The following DIAPH3 variants were observed in gnomAD, a reference collection of about 807,000 sequenced individuals.
The protein encoded by DIAPH3 is diaphanous related formin 3.
In DIAPH3, 117 loss-of-function variants were observed where a neutral mutation model predicts 144.3. The ratio of observed to expected loss-of-function variants is 0.81; its 90% CI spans 0.70 to 0.95. The LOEUF is 0.95. DIAPH3 is among the 40% of genes least tolerant of loss of function. The pLI, the probability that DIAPH3 is intolerant of heterozygous loss-of-function variation, is 0.00. For missense variants in DIAPH3, 1,421 were observed against 1,412.7 expected, an observed-to-expected ratio of 1.01 and a Z score of -0.09; for synonymous variants, 519 against 488.9, an observed-to-expected ratio of 1.06 and a Z score of -0.81.
intron 24 of DIAPH3, among the ~76,000 whole-genome samples, chr13:59,820,429 CTAAAT>C (rs1333498031): frequency 6.6e-6 from 1 of 151,840 alleles, no homozygotes; most frequent in Non-Finnish European, 1.5e-5. Context: ...TTTTAATATT[CTAAAT>C]CTAATGTTCA....
chr13:59,873,806 G>C (rs1016496912), intron 21 of DIAPH3, among the ~76,000 whole-genome samples: 3 of 151,608 alleles, frequency 2.0e-5, no homozygotes, highest in Non-Finnish European at 4.4e-5. Flanking sequence ...AGAGTAGCTG[G>C]GATTACAGGC....
At chr13:59,844,105 T>TAAAAA in intron 22 of DIAPH3, among the ~76,000 whole-genome samples, 1 of 144,860 alleles carries the variant, frequency 6.9e-6, no homozygotes. Flanking sequence ...TCCCAGAACT[T>TAAAAA]AAAAAAAAAA....
At position 59,992,115 on chromosome 13, in the gene DIAPH3, A is replaced by G. The variant is rs147456179; in HGVS notation, c.1197T>C (p.Asp399=). 3.4e-4 allele frequency: 543 copies of G among 1,612,038 alleles called. 2 individuals carry two copies. In the African/African-American group the frequency reaches 6.2e-3, roughly 18 times the overall value. Reference sequence around the variant, plus strand: ...CAAGGCGATGGGATAACTCAAACAAATCTTCTTCTTTATGCTCATCAAAGA... The same window carrying G: ...CAAGGCGATGGGATAACTCAAACAAGTCTTCTTCTTTATGCTCATCAAAGA... ...LKVFDEHKEE[D]LFELSHRLED... Residue 399 remains aspartate (D), a synonymous_variant, in exon 11 of 28, where the codon GAT becomes GAC. Coordinates refer to ENST00000400324, the MANE Select transcript of DIAPH3 (RefSeq NM_001042517.2).
intron 12 of DIAPH3, among the ~76,000 whole-genome samples, chr13:59,989,871 A>G (rs1413384511): frequency 2.6e-5 from 4 of 151,914 alleles, no homozygotes; most frequent in African/African-American, 9.7e-5. Context: ...CAACAGTCTT[A>G]AATTCTTGGG....
intron 4 of DIAPH3, among the ~76,000 whole-genome samples, chr13:60,079,129 G>A (rs2057465240): frequency 6.6e-6 from 1 of 151,910 alleles, no homozygotes; most frequent in Non-Finnish European, 1.5e-5. Context: ...AGTTAACTGA[G>A]GGAAAAATAA....
chr13:59,725,607 C>T (rs1040362736), intron 27 of DIAPH3, among the ~76,000 whole-genome samples: 1 of 152,174 alleles, frequency 6.6e-6, no homozygotes, highest in African/African-American at 2.4e-5. Context: ...TCATCCAATA[C>T]TTGATTCCAT....
chr13:59,970,064 A>G lies in DIAPH3; in HGVS notation c.1960-6T>C, dbSNP rs1434203678. 1 of 1,538,350 alleles carries G rather than the reference A, an allele frequency of 6.5e-7. No individual in the cohort carries two copies. The highest frequency in any genetic ancestry group is 2.3e-5 in the East Asian group (1 of 43,678). Reference sequence around the variant, plus strand: ...GTCATTTCATGAGGTCTGATCTACAATCAGAGAGAAGACTGATTCATCAAT... The same window carrying G: ...GTCATTTCATGAGGTCTGATCTACAGTCAGAGAGAAGACTGATTCATCAAT... On this transcript the variant is annotated splice_polypyrimidine_tract_variant and splice_region_variant and intron_variant, in intron 16 of 27. Coordinates refer to ENST00000400324, the MANE Select transcript of DIAPH3 (RefSeq NM_001042517.2).
chr13:59,897,442 T>C (rs2046171470), intron 20 of DIAPH3, among the ~76,000 whole-genome samples: 1 of 152,148 alleles, frequency 6.6e-6, no homozygotes, highest in African/African-American at 2.4e-5. Flanking sequence ...TAAAGTGGAA[T>C]ATAGTTCTTA....
intron 7 of DIAPH3, chr13:60,012,800 A>C (rs1159240138): frequency 6.1e-6 from 1 of 164,326 alleles, no homozygotes; most frequent in Non-Finnish European, 1.3e-5. Flanking sequence ...GTGAAATAGG[A>C]GCATACTCTG....
intron 17 of DIAPH3, among the ~76,000 whole-genome samples, chr13:59,960,726 C>A (rs2049708461): frequency 6.6e-6 from 1 of 152,052 alleles, no homozygotes; most frequent in African/African-American, 2.4e-5. Context: ...AAGATCACCC[C>A]CAAAGTCACC....
At chr13:59,674,478 T>C (rs2032538700) in intron 27 of DIAPH3, among the ~76,000 whole-genome samples, 1 of 152,192 alleles carries the variant, frequency 6.6e-6, no homozygotes, top group Non-Finnish European at 1.5e-5. Context: ...AAACCTTCTT[T>C]GGTAATTTGT....
chr13:60,098,866 T>C (rs2058183210), intron 3 of DIAPH3, among the ~76,000 whole-genome samples: 2 of 152,218 alleles, frequency 1.3e-5, no homozygotes, highest in South Asian at 4.1e-4. Context: ...ATAGGTAAAA[T>C]ACTGAACAGG....
chr13:59,736,547 T>C (rs2453863), intron 27 of DIAPH3, among the ~76,000 whole-genome samples: 1 of 151,996 alleles, frequency 6.6e-6, no homozygotes, highest in Admixed American at 6.6e-5. Flanking sequence ...TGCATGTATG[T>C]CTTCTTTTGA....
chr13:60,081,107 A>C (rs892854312), intron 4 of DIAPH3, among the ~76,000 whole-genome samples: 1 of 151,882 alleles, frequency 6.6e-6, no homozygotes, highest in East Asian at 1.9e-4. Context: ...ACACTCACTA[A>C]TTTATAGACA....
intron 4 of DIAPH3, among the ~76,000 whole-genome samples, chr13:60,078,424 C>A (rs1401301485): frequency 6.6e-6 from 1 of 152,028 alleles, no homozygotes; most frequent in African/African-American, 2.4e-5. Flanking sequence ...AGGTGGAGGT[C>A]AGAATGAACT....
At chr13:59,892,922 T>C (rs1005601725) in intron 20 of DIAPH3, among the ~76,000 whole-genome samples, 1 of 152,038 alleles carries the variant, frequency 6.6e-6, no homozygotes, top group Non-Finnish European at 1.5e-5. Flanking sequence ...GAAAAAGGCA[T>C]AGCATGCAAT....
chr13:59,914,634 G>C (rs2047144862), intron 19 of DIAPH3, among the ~76,000 whole-genome samples: 1 of 152,272 alleles, frequency 6.6e-6, no homozygotes, highest in Middle Eastern at 3.4e-3. Context: ...AAAAACAATA[G>C]AGTTGGACGG....
At chr13:59,929,199 A>G (rs931501998) in intron 17 of DIAPH3, among the ~76,000 whole-genome samples, 1 of 152,180 alleles carries the variant, frequency 6.6e-6, no homozygotes, top group Non-Finnish European at 1.5e-5. Flanking sequence ...CTAAAATACA[A>G]AACACTTCTG....
At chr13:59,845,612 C>T (rs2042587246) in intron 22 of DIAPH3, among the ~76,000 whole-genome samples, 1 of 152,184 alleles carries the variant, frequency 6.6e-6, no homozygotes, top group Admixed American at 6.5e-5. Context: ...TTCCCCTGCC[C>T]ATATCCCTCT....
Sources: allele counts gnomAD v4.1 joint callset (sites outside exome capture counted in the v4.1 genomes callset), GRCh38; gene constraint gnomAD v4.1.1; transcripts MANE v1.5; gene names NCBI Gene and HGNC (gene_info 2026-07-23, HGNC 2026-07-21).